The following ZNF875 variants were observed in gnomAD, a reference collection of about 807,000 sequenced individuals.
ZNF875 encodes the protein HKR1, GLI-Kruppel zinc finger family member.
A neutral mutation model predicts 11.2 loss-of-function variants in ZNF875; 14 were observed. The ratio of observed to expected loss-of-function variants is 1.26; its 90% CI spans 0.83 to 1.96. The LOEUF is 1.96. Ranked by LOEUF, ZNF875 falls within the 30% of genes most tolerant of loss-of-function variation. The pLI, the probability that ZNF875 is intolerant of heterozygous loss-of-function variation, is 0.00. For missense variants in ZNF875, 752 were observed against 760.4 expected (o/e 0.99, Z 0.13); for synonymous variants, 301 against 281.1 (o/e 1.07, Z -0.71).
chr19:37,342,684 T>C (rs1043664222), intron 2 of ZNF875, among the ~76,000 whole-genome samples: 10 of 152,144 alleles, frequency 6.6e-5, no homozygotes, highest in Admixed American at 6.5e-5. Context: ...AGTGTTGGGA[T>C]TACAAATGTG....
intron 2 of ZNF875, among the ~76,000 whole-genome samples, chr19:37,338,979 G>A (rs2035097712): frequency 6.6e-6 from 1 of 152,242 alleles, no homozygotes; most frequent in South Asian, 2.1e-4. Context: ...GTAACAATGA[G>A]ATGAACTGGC....
At chr19:37,344,739 C>T (rs139271093) in intron 2 of ZNF875, 10 of 1,610,392 alleles carry the variant, frequency 6.2e-6, no homozygotes, top group Non-Finnish European at 8.5e-6. Flanking sequence ...GGTTCACAGA[C>T]AAACCATGAG....
chr19:37,342,880 C>T (rs1273864164), intron 2 of ZNF875, among the ~76,000 whole-genome samples: 8 of 152,150 alleles, frequency 5.3e-5, no homozygotes, highest in Non-Finnish European at 8.8e-5. Flanking sequence ...TTTCCCAGTC[C>T]CCACTAGCAG....
intron 2 of ZNF875, chr19:37,346,496 A>G (rs2036790469): frequency 6.5e-6 from 1 of 153,054 alleles, no homozygotes; most frequent in Non-Finnish European, 1.5e-5. Context: ...TATATTGGTG[A>G]GTTATTTGCC....
intron 4 of ZNF875, among the ~76,000 whole-genome samples, chr19:37,348,222 T>C (rs1342564174): frequency 6.6e-6 from 1 of 152,234 alleles, no homozygotes; most frequent in African/African-American, 2.4e-5. Context: ...ACTCTTATGC[T>C]AAGATTAATT....
At chr19:37,344,701 C>A in intron 2 of ZNF875, 1 of 1,613,906 alleles carries the variant, frequency 6.2e-7, no homozygotes, top group Non-Finnish European at 8.5e-7. Flanking sequence ...GTCAACCACA[C>A]AGTGTCTACA....
chr19:37,332,265 C>T (rs1380439179), upstream of ZNF875, among the ~76,000 whole-genome samples: 4 of 150,124 alleles, frequency 2.7e-5, no homozygotes, highest in African/African-American at 9.8e-5. Flanking sequence ...CCCCGGGTCC[C>T]CTTATTTCTT....
chr19:37,320,888 G>A (rs763613438), intron 1 of ZNF875, among the ~76,000 whole-genome samples: 2 of 152,208 alleles, frequency 1.3e-5, no homozygotes, highest in African/African-American at 4.8e-5. Flanking sequence ...AAATTATTCT[G>A]CCTTGAGATG....
chr19:37,318,612 C>T (rs763796194), intron 1 of ZNF875, among the ~76,000 whole-genome samples: 23 of 151,256 alleles, frequency 1.5e-4, no homozygotes, highest in Non-Finnish European at 2.8e-4. Flanking sequence ...AGCTCTGTCT[C>T]CTGGGTTCAC....
chr19:37,342,522 C>G lies in ZNF875; in HGVS notation c.34-4668C>G, dbSNP rs2035938262. ...CCACCTCCCAGGTTCAAGCAATTCTCCTGCCTCAGCCTCCCGAGTAGCTGG... is the reference window on the plus strand; with the variant it reads ...CCACCTCCCAGGTTCAAGCAATTCTGCTGCCTCAGCCTCCCGAGTAGCTGG... On this transcript the variant is annotated intron_variant, in intron 2 of 4. Transcript: ENST00000392153. Among the ~76,000 whole-genome samples, 3 of 151,744 alleles carry G rather than the reference C, an allele frequency of 2.0e-5. No homozygotes were observed. The South Asian group carries it at 6.2e-4, about 31-fold the overall frequency.
chr19:37,323,930 T>G (rs2031977188), intron 3 of ZNF875, among the ~76,000 whole-genome samples: 1 of 152,204 alleles, frequency 6.6e-6, no homozygotes, highest in African/African-American at 2.4e-5. Context: ...AGCTCTGTGC[T>G]TCTCCACACA....
upstream of ZNF875, among the ~76,000 whole-genome samples, chr19:37,314,169 G>A (rs530464636): frequency 3.9e-5 from 6 of 152,152 alleles, no homozygotes; most frequent in East Asian, 1.9e-4. Flanking sequence ...ATGGAGTGCC[G>A]TGGTATAATC....
intron 4 of ZNF875, chr19:37,329,216 C>T (rs879469414): frequency 2.0e-5 from 3 of 152,184 alleles, no homozygotes; most frequent in East Asian, 1.9e-4. Flanking sequence ...TGCTCCCTTG[C>T]GGAGTTTTCT....
chr19:37,317,818 C>G (rs1246157381), upstream of ZNF875: 3 of 152,512 alleles, frequency 2.0e-5, no homozygotes, highest in Non-Finnish European at 4.4e-5. Context: ...TGCCTGGAAA[C>G]AGACTGTCCG....
chr19:37,347,295 T>G lies in ZNF875; in HGVS notation c.139T>G (p.Tyr47Asp), dbSNP rs771006012. Residue 47 changes from tyrosine (Y) to aspartate (D), a missense_variant, in exon 3 of 5, where the codon TAT becomes GAT. Tyr to Asp is a radical substitution (Grantham distance 160). Coordinates refer to ENST00000392153, the MANE Select transcript of ZNF875 (RefSeq NM_001353803.2). ...GCACAGGGAGGTGATGCTGGAGACT[T>G]ATAACCATCTGGTCTCACTGGGTAA... ...TLHREVMLET[Y>D]NHLVSLEIPS... 49 of 1,613,758 alleles carry G rather than the reference T, an allele frequency of 3.0e-5. No homozygotes were observed. Among genetic ancestry groups the G allele is most frequent in the Non-Finnish European group, 3.7e-5 (44 of 1,179,842 alleles).
rs900094297 is a variant in ZNF875, at chr19:37,359,407, T to C, written c.257-2702T>C. The C allele has an allele frequency of 1.3e-5, 3 of 223,420 alleles. No homozygotes were observed. In the Admixed American group the frequency reaches 1.8e-4, roughly 13 times the overall value. The allele number at this position is 223,420 out of a possible 1,614,324, so 13.8% of individuals were successfully genotyped here. A position where few individuals can be genotyped will look rare whatever the true frequency, so the allele number is the denominator to read the frequency against. The stretch of plus-strand genomic sequence containing the variant: ...ATGGCATTGTGAAATATATAGTCTT[T>C]TCTTTTTTTTTTTTTTAGATGGAGC... On this transcript the variant is annotated intron_variant, in intron 4 of 4. Transcript: ENST00000392153.
At chr19:37,340,222 A>G (rs1350971506) in intron 2 of ZNF875, among the ~76,000 whole-genome samples, 2 of 150,784 alleles carry the variant, frequency 1.3e-5, no homozygotes, top group African/African-American at 2.4e-5. Flanking sequence ...CCTCTGGTGA[A>G]CTACCCGCCT....
At chr19:37,354,752 G>A (rs1203590317) in intron 4 of ZNF875, among the ~76,000 whole-genome samples, 1 of 152,114 alleles carries the variant, frequency 6.6e-6, no homozygotes, top group Non-Finnish European at 1.5e-5. Context: ...ATGCAGACTG[G>A]GTTAGTTCTT....
chr19:37,331,186 C>A (rs1156402110), upstream of ZNF875, among the ~76,000 whole-genome samples: 1,078 of 74,610 alleles, frequency 0.014, no homozygotes, highest in Middle Eastern at 0.042. Context: ...GACTCTGTCT[C>A]AAAAAAAAAA....
Sources: allele counts gnomAD v4.1 joint callset (sites outside exome capture counted in the v4.1 genomes callset), GRCh38; gene constraint gnomAD v4.1.1; transcripts MANE v1.5; gene names NCBI Gene and HGNC (gene_info 2026-07-23, HGNC 2026-07-21).